HDX: variants seen among roughly 807,000 people sequenced by gnomAD.
HDX encodes the protein highly divergent homeobox, also known as chromosome X open reading frame 43.
A neutral mutation model predicts 45.2 loss-of-function variants in HDX; 19 were observed. The observed-to-expected ratio is 0.42, with a 90% CI of 0.29 to 0.62. The LOEUF is 0.62. Among genes scored for constraint, HDX ranks in the 20% least tolerant of loss-of-function variants. The probability of loss-of-function intolerance (pLI) is 0.20; values close to 1 mark genes in which losing one functional copy is unlikely to be tolerated. For missense variants in HDX, 532 were observed against 493.9 expected (o/e 1.08, Z -0.73); for synonymous variants, 188 against 172.8 (o/e 1.09, Z -0.69).
intron 5 of HDX, among the ~76,000 whole-genome samples, chrX:84,399,764 A>G (rs1602383307): frequency 9.0e-6 from 1 of 111,068 alleles, no homozygotes; most frequent in African/African-American, 3.3e-5. Flanking sequence ...ACACACACAA[A>G]AAAACTTCAG....
chrX:84,462,367 C>T (rs754528716), intron 4 of HDX, among the ~76,000 whole-genome samples: 2 of 111,752 alleles, frequency 1.8e-5, no homozygotes, highest in Admixed American at 1.9e-4. Flanking sequence ...TCATTTGACA[C>T]AACAGAGATG....
intron 3 of HDX, among the ~76,000 whole-genome samples, chrX:84,471,165 T>C (rs1269651558): frequency 1.8e-5 from 2 of 110,363 alleles, no homozygotes; most frequent in Non-Finnish European, 3.8e-5. Flanking sequence ...TTATACAATT[T>C]ATAATTATAT....
intron 6 of HDX, among the ~76,000 whole-genome samples, chrX:84,356,880 C>T (rs762163792): frequency 9.0e-6 from 1 of 110,858 alleles, no homozygotes; most frequent in Non-Finnish European, 1.9e-5. Context: ...CTCGGCCTCC[C>T]AAAGTGCTGG....
rs1360092721 is a variant in HDX, at chrX:84,320,533, G to A, written c.*1356C>T. 3.6e-5 allele frequency: 4 copies of A among 110,763 alleles called. No homozygotes were observed. Among genetic ancestry groups the A allele is most frequent in the Non-Finnish European group, 5.7e-5 (3 of 52,373 alleles). The allele number at this position is 110,763 out of a possible 1,213,427, so 9.1% of individuals were successfully genotyped here. A position where few individuals can be genotyped will look rare whatever the true frequency, so the allele number is the denominator to read the frequency against. ...TTAAAAATATCTGAATACCTACTAGGTACCAACAAAAATTAAAAACAAATT... is the reference window on the plus strand; with the variant it reads ...TTAAAAATATCTGAATACCTACTAGATACCAACAAAAATTAAAAACAAATT... On this transcript the variant is annotated 3_prime_UTR_variant, in exon 11 of 11. Transcript: ENST00000373177.
chrX:84,391,019 T>A (rs2147930931), intron 5 of HDX, among the ~76,000 whole-genome samples: 1 of 112,096 alleles, frequency 8.9e-6, no homozygotes, highest in African/African-American at 3.2e-5. Context: ...TTGCTAACTA[T>A]AGTCATCCCA....
Position 84,391,550 on chromosome X carries a change from C to T in HDX, c.1306-29938G>A, listed in dbSNP as rs558807885. Among the ~76,000 whole-genome samples, 14 of 110,952 alleles carry T rather than the reference C, an allele frequency of 1.3e-4. No homozygotes were observed. The East Asian group carries it at 2.8e-3, about 23-fold the overall frequency. On this transcript the variant is annotated intron_variant, in intron 5 of 10. Transcript: ENST00000373177. ...CATACTGTTTTCCATAGTGGCTCTA[C>T]GGCATTATATTCTCACCAAAAGTAT...
rs2036600207 is a variant in HDX at position 84,321,708 on chromosome X, T to A, written c.*181A>T. 6.9e-6 allele frequency: 2 copies of A among 288,639 alleles called. No individual in the cohort carries two copies. 23.8% of individuals were successfully genotyped at this position (288,639 alleles called of 1,213,427 possible). A position where few individuals can be genotyped will look rare whatever the true frequency, so the allele number is the denominator to read the frequency against. On this transcript the variant is annotated 3_prime_UTR_variant, in exon 11 of 11. Coordinates refer to ENST00000373177, the MANE Select transcript of HDX (RefSeq NM_001177479.2). ...TACTCTCTCAAACAATGCTTTTAAA[T>A]TTCACCTACATTTTTGTTGCACTGT...
intron 5 of HDX, among the ~76,000 whole-genome samples, chrX:84,421,294 A>T (rs1361530534): frequency 8.9e-6 from 1 of 111,857 alleles, no homozygotes; most frequent in Non-Finnish European, 1.9e-5. Flanking sequence ...AAGATAAACT[A>T]TAGAGTATTA....
chrX:84,387,398 ATCTG>A (rs1053141169), intron 5 of HDX, among the ~76,000 whole-genome samples: 1 of 111,359 alleles, frequency 9.0e-6, no homozygotes, highest in Non-Finnish European at 1.9e-5. Context: ...TGCCTCAATG[ATCTG>A]TCTAACAATG....
At chrX:84,324,481 T>A (rs189700913) in intron 10 of HDX, among the ~76,000 whole-genome samples, 371 of 111,612 alleles carry the variant, frequency 3.3e-3, no homozygotes, top group African/African-American at 0.012. Context: ...TTCTTAATTA[T>A]ACAAATTAGT....
intron 5 of HDX, among the ~76,000 whole-genome samples, chrX:84,364,414 C>A (rs1211059423): frequency 2.9e-5 from 3 of 103,684 alleles, no homozygotes; most frequent in African/African-American, 1.1e-4. Flanking sequence ...ACCTTCCTAA[C>A]AAAATTTTCA....
chrX:84,321,256 T>C lies in HDX; in HGVS notation c.*633A>G, dbSNP rs1046151676. The C allele has an allele frequency of 5.4e-5, 6 of 110,432 alleles. No individual in the cohort carries two copies. Among genetic ancestry groups the C allele is most frequent in the African/African-American group, 1.3e-4 (4 of 30,606 alleles). 9.1% of individuals were successfully genotyped at this position (110,432 alleles called of 1,213,427 possible). Reference sequence around the variant, plus strand: ...TTATGTTGGTTAAATTACCTTTCCATTGTGCTTCCCCACCCCCACACAAAT... The same window carrying C: ...TTATGTTGGTTAAATTACCTTTCCACTGTGCTTCCCCACCCCCACACAAAT... On this transcript the variant is annotated 3_prime_UTR_variant, in exon 11 of 11. Coordinates refer to ENST00000373177, the MANE Select transcript of HDX (RefSeq NM_001177479.2).
At chrX:84,354,962 T>C (rs867856914) in intron 6 of HDX, among the ~76,000 whole-genome samples, 1 of 74,408 alleles carries the variant, frequency 1.3e-5, no homozygotes, top group Non-Finnish European at 2.5e-5. Context: ...TATATATATA[T>C]ATATATATAT....
At chrX:84,354,624 T>C (rs1442014333) in intron 6 of HDX, among the ~76,000 whole-genome samples, 4 of 109,654 alleles carry the variant, frequency 3.6e-5, no homozygotes. Flanking sequence ...CAAATATAAA[T>C]TATAAAATTT....
intron 10 of HDX, 141 bp from the exon 11 acceptor site, chrX:84,322,155 C>T: frequency 2.6e-6 from 1 of 383,112 alleles, no homozygotes; most frequent in Non-Finnish European, 4.2e-6. Flanking sequence ...TAGACAATGC[C>T]TTACCTAAAA....
At chrX:84,333,595 A>G (rs1219578772) in intron 9 of HDX, among the ~76,000 whole-genome samples, 164 bp downstream of exon 9, 4 of 111,200 alleles carry the variant, frequency 3.6e-5, no homozygotes, top group Non-Finnish European at 7.6e-5. Flanking sequence ...CCCGACAGCA[A>G]TAATTAAAAT....
chrX:84,476,812 T>A (rs1308566264), intron 2 of HDX, among the ~76,000 whole-genome samples: 3 of 111,722 alleles, frequency 2.7e-5, no homozygotes, highest in Non-Finnish European at 3.8e-5. Context: ...GACTTTCTTG[T>A]CCGCACAAGC....
intron 5 of HDX, among the ~76,000 whole-genome samples, chrX:84,407,656 A>T (rs2038864693): frequency 9.0e-6 from 1 of 111,598 alleles, no homozygotes; most frequent in African/African-American, 3.2e-5. Context: ...ACAATGGCTG[A>T]GCTAATTTAC....
In HDX at chrX:84,469,137, T is replaced by A. The variant is rs747192091; in HGVS notation, c.586A>T (p.Asn196Tyr). Residue 196 changes from asparagine to tyrosine, a missense_variant, in exon 4 of 11, where the codon AAC (asparagine) becomes TAC (tyrosine). Physicochemically the swap from Asn to Tyr is moderately radical, Grantham distance 143. Coordinates refer to ENST00000373177, the MANE Select transcript of HDX (RefSeq NM_001177479.2). ...GNSVFNHAKKNYGNSSVQASE... is the reference protein window; with the variant it reads ...GNSVFNHAKKYYGNSSVQASE... ...GCTTGTACTGAAGAGTTTCCATAGT[T>A]TTTCTTTGCGTGATTGAATACTGAG... 2 of 1,208,481 alleles carry A rather than the reference T, an allele frequency of 1.7e-6. No individual in the cohort carries two copies. Among genetic ancestry groups the A allele is most frequent in the African/African-American group, 3.5e-5 (2 of 57,016 alleles).
Sources: gnomAD v4.1 joint callset for allele counts (sites outside exome capture counted in the v4.1 genomes callset) on GRCh38, gnomAD v4.1.1 for gene constraint, MANE v1.5 for transcripts, NCBI Gene and HGNC (gene_info 2026-07-23, HGNC 2026-07-21) for gene names.